NXN: variants seen among roughly 807,000 people sequenced by gnomAD.
NXN encodes nucleoredoxin, also known as nucleoredoxin 1.
A neutral mutation model predicts 48.6 loss-of-function variants in NXN; 16 were observed. That is an observed-to-expected ratio of 0.33 (90% CI 0.22 to 0.50). NXN has a LOEUF of 0.50. NXN is among the 20% of genes least tolerant of loss of function. NXN has a pLI of 0.98. For synonymous variants in NXN, 281 were observed against 269.6 expected (o/e 1.04, Z -0.41); for missense variants, 492 against 605.5 (o/e 0.81, Z 1.97).
At chr17:811,919 G>GGTT (rs1567811795) in intron 5 of NXN, among the ~76,000 whole-genome samples, 1 of 125,602 alleles carries the variant, frequency 8.0e-6, no homozygotes, top group African/African-American at 3.1e-5. Flanking sequence ...ACCCAGTTCT[G>GGTT]CTTTTTTTTT....
chr17:811,029 T>G (rs1020787630), intron 5 of NXN, among the ~76,000 whole-genome samples: 1 of 152,106 alleles, frequency 6.6e-6, no homozygotes, highest in African/African-American at 2.4e-5. Context: ...TCAAATCCAT[T>G]TTTTTGAAAG....
intron 1 of NXN, among the ~76,000 whole-genome samples, chr17:880,534 T>C (rs898302748): frequency 6.6e-6 from 1 of 152,024 alleles, no homozygotes; most frequent in Non-Finnish European, 1.5e-5. Context: ...GTGGTCAAGT[T>C]AAAAAAGATC....
In NXN at chr17:946,810, C is replaced by T. The variant is rs1395816924; in HGVS notation, c.360+32509G>A. 2.0e-5 allele frequency among the ~76,000 whole-genome samples: 3 copies of T among 152,196 alleles called. No homozygotes were observed. In the East Asian group the frequency reaches 5.8e-4, roughly 29 times the overall value. On this transcript the variant is annotated intron_variant, in intron 1 of 7. Coordinates refer to ENST00000336868, the MANE Select transcript of NXN (RefSeq NM_022463.5). The stretch of plus-strand genomic sequence containing the variant: ...TGGAAAATGGGGGTGATCACGCCAA[C>T]GTCACAGAGTCCTTGGGAGAATGAA...
intron 1 of NXN, among the ~76,000 whole-genome samples, chr17:970,598 A>C (rs755087356): frequency 8.5e-5 from 13 of 152,322 alleles, no homozygotes; most frequent in Non-Finnish European, 1.6e-4. Context: ...TAGAGGAAGA[A>C]AGCCACCTGA....
intron 1 of NXN, among the ~76,000 whole-genome samples, chr17:927,940 C>G (rs543356443): frequency 8.5e-4 from 130 of 152,088 alleles, no homozygotes; most frequent in African/African-American, 3.0e-3. Flanking sequence ...TTAACAAAGT[C>G]AACCTCTCTG....
intron 1 of NXN, among the ~76,000 whole-genome samples, chr17:882,356 C>A (rs984353080): frequency 6.6e-6 from 1 of 152,154 alleles, no homozygotes; most frequent in Admixed American, 6.5e-5. Context: ...CCCCATGCTT[C>A]TCTCTTCCTC....
intron 1 of NXN, among the ~76,000 whole-genome samples, chr17:968,539 T>C (rs2069333667): frequency 6.6e-6 from 1 of 151,930 alleles, no homozygotes. Context: ...CACTGCACTC[T>C]AGCCTGGGCA....
rs1000900295 is a variant in NXN at position 920,481 on chromosome 17, C to T, written c.360+58838G>A. On this transcript the variant is annotated intron_variant, in intron 1 of 7. Coordinates refer to ENST00000336868, the MANE Select transcript of NXN (RefSeq NM_022463.5). The surrounding 1 kb of genome is among the most constrained non-coding windows in gnomAD (Gnocchi z 4.6). ...CTCCAGCGTTCTCCTCCCAGGGTTC[C>T]GCTCCCTCCCCAAGTGACCAGCCCT... Among the ~76,000 whole-genome samples, 16 of 151,966 alleles carry T rather than the reference C, an allele frequency of 1.1e-4. No individual in the cohort carries two copies. The highest frequency in any genetic ancestry group is 3.9e-4 in the African/African-American group (16 of 41,382).
rs654728 is a variant in NXN, at chr17:822,116, T to A, written c.713+241A>T. Reference sequence around the variant, plus strand: ...CAACATGGTGAAACCCCATCTCCACTAAAAATACAAAAATTAGCCGGGCAT... The same window carrying A: ...CAACATGGTGAAACCCCATCTCCACAAAAAATACAAAAATTAGCCGGGCAT... On this transcript the variant is annotated intron_variant, in intron 4 of 7. Coordinates refer to ENST00000336868, the MANE Select transcript of NXN (RefSeq NM_022463.5). Among the ~76,000 whole-genome samples, 76,274 of 151,388 alleles carry A rather than the reference T, an allele frequency of 0.5. 20,005 individuals carry two copies. The highest frequency in any genetic ancestry group is 0.65 in the African/African-American group (27,036 of 41,284).
chr17:854,958 CAA>C (rs879505590), intron 1 of NXN, among the ~76,000 whole-genome samples: 3 of 131,924 alleles, frequency 2.3e-5, no homozygotes, highest in Non-Finnish European at 3.3e-5. Flanking sequence ...GACTCCGTCT[CAA>C]AAAAAAAAAA....
intron 1 of NXN, among the ~76,000 whole-genome samples, chr17:973,349 A>G (rs1476735058): frequency 6.6e-6 from 1 of 152,306 alleles, no homozygotes. Context: ...TTCAACCTCT[A>G]CACCGCCCAG....
chr17:917,217 CCG>C lies in NXN; in HGVS notation c.360+62100_360+62101del. Among the ~76,000 whole-genome samples, 1 of 152,018 alleles carries C rather than the reference CCG, an allele frequency of 6.6e-6. No homozygotes were observed. Among genetic ancestry groups the C allele is most frequent in the Non-Finnish European group, 1.5e-5 (1 of 68,008 alleles). On this transcript the variant is annotated intron_variant, in intron 1 of 7. Coordinates refer to ENST00000336868, the MANE Select transcript of NXN (RefSeq NM_022463.5). This position sits in a 1 kb window ranked among gnomAD's most constrained non-coding sequence, Gnocchi z 4.5. ...AGTGCAATGGCGCGACCTCGGCTCG[CCG>C]TGGCCTCCGCCTCGCGGGTTCAAGC...
rs1567511913 is a variant in NXN, at chr17:942,705, CATCACACCTTCCTGGATTTACAGTGAA to C, written c.360+36587_360+36613del. Among the ~76,000 whole-genome samples the C allele has an allele frequency of 3.1e-4, 35 of 111,458 alleles. 4 individuals carry two copies. The highest frequency in any genetic ancestry group is 4.5e-4 in the Non-Finnish European group (26 of 57,614). The allele number at this position is 111,458 out of a possible 152,430, so 73.1% of individuals were successfully genotyped here. A position where few individuals can be genotyped will look rare whatever the true frequency, so the allele number is the denominator to read the frequency against. ...ATTCCAGGGCGCAGCCATGAACTCA[CATCACACCTTCCTGGATTTACAGTGAA>C]CAAGATTCCAGGGTGCAGCCATGAA... On this transcript the variant is annotated intron_variant, in intron 1 of 7. Transcript: ENST00000336868.
Position 979,689 on chromosome 17 carries a change from C to G in NXN, c.-11G>C, listed in dbSNP as rs1403276854. 7.0e-7 allele frequency: 1 copy of G among 1,423,414 alleles called. No homozygotes were observed. Among genetic ancestry groups the G allele is most frequent in the Non-Finnish European group, 9.2e-7 (1 of 1,085,940 alleles). 88.2% of individuals were successfully genotyped at this position (1,423,414 alleles called of 1,614,324 possible). A position where few individuals can be genotyped will look rare whatever the true frequency, so the allele number is the denominator to read the frequency against. On this transcript the variant is annotated 5_prime_UTR_variant, in exon 1 of 8. Coordinates refer to ENST00000336868, the MANE Select transcript of NXN (RefSeq NM_022463.5). Reference sequence around the variant, plus strand: ...CAGGAAGCCCGACATCCTGGCCCACCGCAGGGCGGGCAGGCGGCTGCGACC... The same window carrying G: ...CAGGAAGCCCGACATCCTGGCCCACGGCAGGGCGGGCAGGCGGCTGCGACC...
rs1567828102 is a variant in NXN at position 841,623 on chromosome 17, CGGGCAAGCAGGT to C, written c.361-15557_361-15546del. Among the ~76,000 whole-genome samples the C allele has an allele frequency of 7.2e-5, 9 of 125,146 alleles. 1 individual carries two copies. Among genetic ancestry groups the C allele is most frequent in the East Asian group, 4.8e-4 (2 of 4,142 alleles). The allele number at this position is 125,146 out of a possible 152,430, so 82.1% of individuals were successfully genotyped here. ...CCCCCCGACCACAGAGCATCTCACACGGGCAAGCAGGTCCACCCTGACCACAGCGCATCTCAC... is the reference window on the plus strand; with the variant it reads ...CCCCCCGACCACAGAGCATCTCACACCCACCCTGACCACAGCGCATCTCAC... On this transcript the variant is annotated intron_variant, in intron 1 of 7. Transcript: ENST00000336868.
intron 1 of NXN, among the ~76,000 whole-genome samples, chr17:944,920 G>A (rs1372254480): frequency 6.6e-6 from 1 of 152,020 alleles, no homozygotes; most frequent in Non-Finnish European, 1.5e-5. Flanking sequence ...CCTACGAACT[G>A]TGAAACACAC....
At chr17:859,728 C>G (rs2068022907) in intron 1 of NXN, among the ~76,000 whole-genome samples, 2 of 152,192 alleles carry the variant, frequency 1.3e-5, no homozygotes, top group African/African-American at 4.8e-5. Context: ...AATGGACCAT[C>G]CAAACCAAAC....
At chr17:818,013 C>T (rs552601462) in intron 5 of NXN, among the ~76,000 whole-genome samples, 1 of 152,164 alleles carries the variant, frequency 6.6e-6, no homozygotes, top group African/African-American at 2.4e-5. Context: ...CATCCCAGCA[C>T]TTTGGGAGGC....
chr17:880,437 G>A (rs768181295), intron 1 of NXN, among the ~76,000 whole-genome samples: 33 of 152,122 alleles, frequency 2.2e-4, no homozygotes, highest in Non-Finnish European at 4.6e-4. Flanking sequence ...CCTTTCTTAG[G>A]AAACTAATAA....
Sources: allele counts gnomAD v4.1 joint callset (sites outside exome capture counted in the v4.1 genomes callset), GRCh38; gene constraint gnomAD v4.1.1; non-coding constraint Gnocchi (gnomAD v3.1); transcripts MANE v1.5; gene names NCBI Gene and HGNC (gene_info 2026-07-23, HGNC 2026-07-21).